Variants in XRN2 observed in about 807,000 individuals in gnomAD.
The protein encoded by XRN2 is 5'-3' exoribonuclease 2, also known as DHM1-like protein.
Under a neutral mutation model 138.5 loss-of-function variants are expected in XRN2, and 44 were observed. The ratio of observed to expected loss-of-function variants is 0.32; its 90% CI spans 0.25 to 0.41. XRN2 has a LOEUF of 0.41. Ranked by LOEUF, XRN2 falls within the 10% of genes least tolerant of loss-of-function variation. XRN2 has a pLI of 1.00. For missense variants in XRN2, 937 were observed against 1,169.3 expected, an observed-to-expected ratio of 0.80 and a Z score of 2.90; for synonymous variants, 354 against 369.4, an observed-to-expected ratio of 0.96 and a Z score of 0.48.
At chr20:21,389,128 C>T (rs970946212) in intron 29 of XRN2, 145 bp from the exon 30 acceptor site, 4 of 644,298 alleles carry the variant, frequency 6.2e-6, no homozygotes, top group Non-Finnish European at 1.0e-5. Context: ...TGGATCAAAG[C>T]ACCTTTTATG....
rs762716047 is a variant in XRN2 at position 21,330,496 on chromosome 20, C to G, written c.443C>G (p.Pro148Arg). 31 of 1,613,466 alleles carry G rather than the reference C, an allele frequency of 1.9e-5. No individual in the cohort carries two copies. The highest frequency in any genetic ancestry group is 1.7e-4 in the Middle Eastern group (1 of 5,996). Residue 148 changes from proline to arginine, a missense_variant, in exon 5 of 30, where the codon CCA becomes CGA. Physicochemically the swap from Pro to Arg is moderately radical, Grantham distance 103. Transcript: ENST00000377191. ...EILAKGGFLP[P>R]EEIKERFDSN... Reference sequence around the variant, plus strand: ...TTTTCTCTAGGTGGCTTTCTTCCTCCAGAAGAAATAAAAGAAAGATTTGAC... The same window carrying G: ...TTTTCTCTAGGTGGCTTTCTTCCTCGAGAAGAAATAAAAGAAAGATTTGAC...
chr20:21,350,312 G>A (rs1388604509), intron 20 of XRN2, among the ~76,000 whole-genome samples: 4 of 152,000 alleles, frequency 2.6e-5, no homozygotes, highest in South Asian at 2.1e-4. Context: ...GGATCACGAG[G>A]TCAGGAGATC....
chr20:21,320,122 T>C (rs1454864304), intron 1 of XRN2, among the ~76,000 whole-genome samples: 1 of 152,150 alleles, frequency 6.6e-6, no homozygotes, highest in East Asian at 1.9e-4. Context: ...AGCTTTTTAT[T>C]GATCTGAGTC....
At chr20:21,351,104 A>ACCT (rs1268541641) in intron 20 of XRN2, among the ~76,000 whole-genome samples, 1 of 152,200 alleles carries the variant, frequency 6.6e-6, no homozygotes, top group Non-Finnish European at 1.5e-5. Flanking sequence ...TATTAAGTAG[A>ACCT]TAATTAAATA....
chr20:21,377,858 T>C (rs780908246), intron 27 of XRN2, among the ~76,000 whole-genome samples: 4 of 152,134 alleles, frequency 2.6e-5, no homozygotes, highest in Non-Finnish European at 5.9e-5. Flanking sequence ...AGGTACTTTT[T>C]TGTCCCTAGG....
chr20:21,332,279 A>T lies in XRN2; in HGVS notation c.701-4A>T. ...TCGATGTTTTTCTCATTGTTGATTG[A>T]TAGCTGATCTCATTATGCTTGGCCT... On this transcript the variant is annotated splice_region_variant and splice_polypyrimidine_tract_variant and intron_variant, in intron 8 of 29. Coordinates refer to ENST00000377191, the MANE Select transcript of XRN2 (RefSeq NM_012255.5). 6.2e-7 allele frequency: 1 copy of T among 1,607,550 alleles called. No homozygotes were observed. Among genetic ancestry groups the T allele is most frequent in the Non-Finnish European group, 8.5e-7 (1 of 1,177,826 alleles).
intron 28 of XRN2, among the ~76,000 whole-genome samples, chr20:21,382,797 A>T (rs536513459): frequency 1.1e-3 from 166 of 152,354 alleles, no homozygotes; most frequent in African/African-American, 3.9e-3. Context: ...GCACATTATG[A>T]ATAATTAACA....
chr20:21,324,740 C>T (rs532676791), intron 1 of XRN2, among the ~76,000 whole-genome samples: 154 of 152,260 alleles, frequency 1.0e-3, no homozygotes, highest in Admixed American at 2.1e-3. Context: ...CTCAAGCAAT[C>T]CTCTCACCTC....
At chr20:21,382,499 T>G (rs1165050166) in intron 28 of XRN2, among the ~76,000 whole-genome samples, 1 of 152,198 alleles carries the variant, frequency 6.6e-6, no homozygotes, top group Non-Finnish European at 1.5e-5. Context: ...CTAATCAGCT[T>G]CTTTGGTACA....
chr20:21,353,323 T>C (rs1175869299), intron 20 of XRN2, among the ~76,000 whole-genome samples: 1 of 148,794 alleles, frequency 6.7e-6, no homozygotes, highest in Admixed American at 6.7e-5. Flanking sequence ...CCCCTTGATA[T>C]AGTTCTCTTA....
chr20:21,340,384 A>T (rs1282253988), intron 14 of XRN2, among the ~76,000 whole-genome samples: 1 of 152,214 alleles, frequency 6.6e-6, no homozygotes, highest in Non-Finnish European at 1.5e-5. Context: ...TGTTTTTATT[A>T]GCCTGAAATT....
At chr20:21,383,918 A>G (rs1188165380) in intron 28 of XRN2, among the ~76,000 whole-genome samples, 1 of 152,238 alleles carries the variant, frequency 6.6e-6, no homozygotes, top group Non-Finnish European at 1.5e-5. Context: ...TTCTATCATA[A>G]AAGTCTTACA....
intron 28 of XRN2, among the ~76,000 whole-genome samples, chr20:21,383,884 A>C (rs1359615321): frequency 1.3e-5 from 2 of 152,176 alleles, no homozygotes; most frequent in African/African-American, 2.4e-5. Flanking sequence ...CTGAAAGCAA[A>C]AGGTAAATGT....
chr20:21,368,645 G>T, intron 27 of XRN2, 55 bp downstream of exon 27: 1 of 1,598,556 alleles, frequency 6.3e-7, no homozygotes, highest in Non-Finnish European at 8.5e-7. Context: ...CACAGCAAAT[G>T]TTGGTTTCTA....
intron 8 of XRN2, 96 bp downstream of exon 8, chr20:21,331,914 G>A (rs2038215354): frequency 3.7e-6 from 5 of 1,343,308 alleles, no homozygotes; most frequent in South Asian, 1.3e-5. Flanking sequence ...TTACCTGGAA[G>A]TTCCAAAATG....
chr20:21,367,084 G>C (rs1215155101), intron 26 of XRN2, among the ~76,000 whole-genome samples: 1 of 152,054 alleles, frequency 6.6e-6, no homozygotes, highest in Non-Finnish European at 1.5e-5. Flanking sequence ...TTGAACAGTG[G>C]TATCTCGTAG....
intron 1 of XRN2, 87 bp downstream of exon 1, chr20:21,303,560 C>T: frequency 2.1e-6 from 3 of 1,422,676 alleles, no homozygotes; most frequent in Non-Finnish European, 2.7e-6. Flanking sequence ...CGCCTGCCCC[C>T]GGGGAGCCTT....
Position 21,326,417 on chromosome 20 carries a change from C to T in XRN2, c.203+11C>T. 6.2e-7 allele frequency: 1 copy of T among 1,613,584 alleles called. No homozygotes were observed. Among genetic ancestry groups the T allele is most frequent in the South Asian group, 1.1e-5 (1 of 91,070 alleles). On this transcript the variant is annotated intron_variant, in intron 2 of 29. Transcript: ENST00000377191. ...TCATCCTGAAGACAAGTACGTAACC[C>T]ATTTTTGTCACTGATATAGCAAATC...
At chr20:21,327,479 C>T (rs187343751) in intron 3 of XRN2, among the ~76,000 whole-genome samples, 31 of 152,208 alleles carry the variant, frequency 2.0e-4, no homozygotes, top group Middle Eastern at 3.4e-3. Context: ...CTGTGAGATT[C>T]GTCTTACTCA....
Sources: gnomAD v4.1 joint callset for allele counts (sites outside exome capture counted in the v4.1 genomes callset) on GRCh38, gnomAD v4.1.1 for gene constraint, MANE v1.5 for transcripts, NCBI Gene and HGNC (gene_info 2026-07-23, HGNC 2026-07-21) for gene names.